COL4A4: variants seen among roughly 807,000 people sequenced by gnomAD.
COL4A4 encodes collagen type IV alpha 4 chain.
In COL4A4, 105 loss-of-function variants were observed where a neutral mutation model predicts 192.9. The ratio of observed to expected loss-of-function variants is 0.54; its 90% CI spans 0.46 to 0.64. The LOEUF is 0.64. Ranked by LOEUF, COL4A4 falls within the 30% of genes least tolerant of loss-of-function variation. COL4A4 has a pLI of 0.00. For missense variants in COL4A4, 1,967 were observed against 2,169.3 expected (o/e 0.91, Z 1.85); for synonymous variants, 762 against 769.9 (o/e 0.99, Z 0.17).
At chr2:227,070,861 A>G (rs959918350) in intron 25 of COL4A4, among the ~76,000 whole-genome samples, 1 of 148,768 alleles carries the variant, frequency 6.7e-6, no homozygotes, top group African/African-American at 2.5e-5. Flanking sequence ...TGTACCCTAA[A>G]ACTTAAAGTA....
At chr2:227,039,379 C>G (rs1169688147) in intron 37 of COL4A4, among the ~76,000 whole-genome samples, 1 of 152,072 alleles carries the variant, frequency 6.6e-6, no homozygotes, top group Non-Finnish European at 1.5e-5. Flanking sequence ...ATATGTTGGC[C>G]AGGCTGGTCT....
chr2:227,115,954 T>G (rs1342600864), intron 7 of COL4A4, among the ~76,000 whole-genome samples: 3 of 152,184 alleles, frequency 2.0e-5, no homozygotes, highest in African/African-American at 7.2e-5. Flanking sequence ...GCTATATAAA[T>G]AACAGATGTG....
chr2:227,148,732 C>A (rs2063715640), intron 1 of COL4A4, among the ~76,000 whole-genome samples: 2 of 151,758 alleles, frequency 1.3e-5, no homozygotes, highest in African/African-American at 4.8e-5. Flanking sequence ...ATATATTTGG[C>A]TCAAATAATT....
the COL4A4 span, among the ~76,000 whole-genome samples, chr2:226,983,551 G>T: frequency 2.0e-5 from 3 of 152,176 alleles, no homozygotes; most frequent in Non-Finnish European, 2.9e-5. Context: ...ACCACTCGGG[G>T]ATGGTTGTTC....
At chr2:227,083,810 G>A (rs1189912141) in intron 22 of COL4A4, among the ~76,000 whole-genome samples, 6 of 152,020 alleles carry the variant, frequency 3.9e-5, no homozygotes, top group Admixed American at 3.3e-4. Flanking sequence ...TTTTTTAACC[G>A]GCTGTACTAA....
intron 12 of COL4A4, among the ~76,000 whole-genome samples, chr2:227,107,970 A>C (rs1267217462): frequency 6.6e-6 from 1 of 151,960 alleles, no homozygotes; most frequent in East Asian, 1.9e-4. Context: ...GTTGGCCAGG[A>C]TGGTCTCAGT....
chr2:227,095,957 T>G (rs1024576449), intron 19 of COL4A4, among the ~76,000 whole-genome samples: 2 of 152,056 alleles, frequency 1.3e-5, no homozygotes, highest in Non-Finnish European at 2.9e-5. Context: ...TGACCACCTC[T>G]CACAGCTTTT....
the COL4A4 span, among the ~76,000 whole-genome samples, chr2:226,992,053 C>T: frequency 6.6e-6 from 1 of 152,172 alleles, no homozygotes; most frequent in Non-Finnish European, 1.5e-5. Flanking sequence ...ATATCAGAAA[C>T]ACAAAGATAA....
rs766028963 is a variant in COL4A4 at position 227,051,047 on chromosome 2, C to G, written c.3080G>C (p.Gly1027Ala). 2 of 1,614,178 alleles carry G rather than the reference C, an allele frequency of 1.2e-6. No homozygotes were observed. The highest frequency in any genetic ancestry group is 2.2e-5 in the South Asian group (2 of 91,080). ...AGTTGAGCCTGGAGGGCCTGGGGGT[C>G]CAGGAGGCCCTGGCTGACCTTTCTC... is the stretch of plus-strand genomic sequence containing the variant. ...PGEKGQPGPP[G>A]PPGPPGSTGL... The change falls in exon 33 of 48, where the codon GGA (glycine) becomes GCA (alanine). Residue 1027 changes from glycine to alanine, a missense_variant. Physicochemically the swap from Gly to Ala is moderately conservative, Grantham distance 60. Coordinates refer to ENST00000396625, the MANE Select transcript of COL4A4 (RefSeq NM_000092.5).
chr2:227,099,785 A>G, intron 17 of COL4A4, 96 bp from the exon 18 acceptor site: 1 of 1,053,478 alleles, frequency 9.5e-7, no homozygotes, highest in Non-Finnish European at 1.4e-6. Context: ...GTGCACATTC[A>G]TATAAGAAGC....
chr2:227,117,749 G>T (rs2061567426), intron 7 of COL4A4, among the ~76,000 whole-genome samples: 1 of 151,906 alleles, frequency 6.6e-6, no homozygotes, highest in Non-Finnish European at 1.5e-5. Flanking sequence ...GGAATATGGG[G>T]GGTAGCTCTT....
intron 25 of COL4A4, among the ~76,000 whole-genome samples, chr2:227,071,007 A>G (rs2150396197): frequency 6.6e-6 from 1 of 152,264 alleles, no homozygotes; most frequent in South Asian, 2.1e-4. Context: ...AACACAATGA[A>G]AAGACAACTA....
chr2:226,979,036 C>CA, the COL4A4 span, among the ~76,000 whole-genome samples: 1 of 152,114 alleles, frequency 6.6e-6, no homozygotes, highest in African/African-American at 2.4e-5. Context: ...TGATTACAAG[C>CA]AAAGTCCTAT....
chr2:227,076,269 A>G (rs527255993), intron 25 of COL4A4, among the ~76,000 whole-genome samples: 1 of 152,348 alleles, frequency 6.6e-6, no homozygotes, highest in Non-Finnish European at 1.5e-5. Flanking sequence ...CCAAAACAGC[A>G]TGGTACTGGT....
intron 5 of COL4A4, 109 bp from the exon 6 acceptor site, chr2:227,120,048 C>A: frequency 1.3e-6 from 1 of 767,462 alleles, no homozygotes; most frequent in South Asian, 2.5e-5. Flanking sequence ...GCTGAGCAGT[C>A]ATTGTCACCT....
At chr2:227,086,777 G>A (rs540327780) in intron 22 of COL4A4, among the ~76,000 whole-genome samples, 1 of 152,292 alleles carries the variant, frequency 6.6e-6, no homozygotes, top group South Asian at 2.1e-4. Context: ...TCTTCACTAA[G>A]AAGATTAAGT....
the COL4A4 span, among the ~76,000 whole-genome samples, chr2:226,972,700 C>G: frequency 6.6e-6 from 1 of 152,150 alleles, no homozygotes; most frequent in Admixed American, 6.5e-5. Context: ...ATGATAGTGA[C>G]ACAACAGTGA....
rs777010630 is a variant in COL4A4 at position 227,147,444 on chromosome 2, T to C, written c.40A>G (p.Arg14Gly). 8 of 1,613,744 alleles carry C rather than the reference T, an allele frequency of 5.0e-6. No homozygotes were observed. The East Asian group carries it at 1.6e-4, about 31-fold the overall frequency. The change falls in exon 2 of 48, where the codon AGA becomes GGA. Residue 14 changes from arginine to glycine, a missense_variant. By Grantham distance (125) the Arg-to-Gly change is moderately radical. Transcript: ENST00000396625. Reference sequence around the variant, plus strand: ...CCTGTGGCCAAGGACTTGGTCAATCTGAAGGAGCACCTCATTAGTACTATG... The same window carrying C: ...CCTGTGGCCAAGGACTTGGTCAATCCGAAGGAGCACCTCATTAGTACTATG... ...LHIVLMRCSF[R>G]LTKSLATGPW...
rs138777001 is a variant in COL4A4 at position 227,087,944 on chromosome 2, AC to A, written c.1623+708del. ...ATCGATGGTGATGGCGTTTATCACCACATGACATACTGGATATTTACTTGCT... is the reference window on the plus strand; with the variant it reads ...ATCGATGGTGATGGCGTTTATCACCAATGACATACTGGATATTTACTTGCT... On this transcript the variant is annotated intron_variant, in intron 22 of 47. Transcript: ENST00000396625. Among the ~76,000 whole-genome samples the A allele has an allele frequency of 6.0e-3, 919 of 152,210 alleles. 3 individuals are homozygous for A. Among genetic ancestry groups the A allele is most frequent in the South Asian group, 0.023 (112 of 4,812 alleles).
Sources: gnomAD v4.1 joint callset for allele counts (sites outside exome capture counted in the v4.1 genomes callset) on GRCh38, gnomAD v4.1.1 for gene constraint, MANE v1.5 for transcripts, NCBI Gene and HGNC (gene_info 2026-07-23, HGNC 2026-07-21) for gene names.